Variants in SRPK2 observed in about 807,000 individuals in gnomAD.
SRPK2 encodes SFRS protein kinase 2.
Under a neutral mutation model 90.8 loss-of-function variants are expected in SRPK2, and 21 were observed. The observed-to-expected ratio is 0.23, with a 90% CI of 0.16 to 0.33. SRPK2 has a LOEUF of 0.33. SRPK2 is among the 10% of genes least tolerant of loss of function. The probability of loss-of-function intolerance (pLI) is 1.00; values close to 1 mark genes in which losing one functional copy is unlikely to be tolerated. For missense variants in SRPK2, 620 were observed against 869.0 expected (o/e 0.71, Z 3.60); for synonymous variants, 288 against 311.1 (o/e 0.93, Z 0.78).
At chr7:105,258,200 C>T (rs368997486) in intron 2 of SRPK2, among the ~76,000 whole-genome samples, 1 of 151,372 alleles carries the variant, frequency 6.6e-6, no homozygotes, top group Non-Finnish European at 1.5e-5. Flanking sequence ...AGGCGGATCA[C>T]GAGGTCCAGA....
chr7:105,220,672 A>G (rs1453733103), intron 2 of SRPK2, among the ~76,000 whole-genome samples: 2 of 152,202 alleles, frequency 1.3e-5, no homozygotes, highest in African/African-American at 4.8e-5. Context: ...CAAACCACCA[A>G]AAGAATCTAA....
In SRPK2 at chr7:105,117,899, A is replaced by C. The variant is rs1436882578; in HGVS notation, c.2039T>G (p.Met680Arg). The C allele has an allele frequency of 6.2e-7, 1 of 1,613,838 alleles. No individual in the cohort carries two copies. The highest frequency in any genetic ancestry group is 8.5e-7 in the Non-Finnish European group (1 of 1,180,042). ...FTDFLIPMLEMVPEKRASAGE... is the reference protein window; with the variant it reads ...FTDFLIPMLERVPEKRASAGE... ...AGCTGAGGCTCGTTTTTCTGGAACC[A>C]TTTCTAACATCGGGATCAGGAAATC... The change falls in exon 16 of 16, where the codon ATG (methionine) becomes AGG (arginine). Residue 680 changes from methionine (M) to arginine (R), a missense_variant. Around this residue, in one of 8 missense-constraint regions of SRPK2, gnomAD observed 71 missense variants for 123.1 expected, o/e 0.58. Coordinates refer to ENST00000393651, the MANE Select transcript of SRPK2 (RefSeq NM_182692.3).
At chr7:105,277,829 C>A (rs1585495440) in intron 2 of SRPK2, among the ~76,000 whole-genome samples, 1 of 152,106 alleles carries the variant, frequency 6.6e-6, no homozygotes, top group Non-Finnish European at 1.5e-5. Context: ...CAATAAAATA[C>A]AAATCTAGAG....
At chr7:105,159,669 T>C (rs752607137) in intron 7 of SRPK2, among the ~76,000 whole-genome samples, 2 of 152,136 alleles carry the variant, frequency 1.3e-5, no homozygotes, top group African/African-American at 2.4e-5. Flanking sequence ...GGAGGAGTTC[T>C]TCCATCTACG....
chr7:105,304,425 TGTTGGGGTAA>T (rs1013673013), intron 2 of SRPK2: 2 of 151,852 alleles, frequency 1.3e-5, no homozygotes, highest in African/African-American at 2.4e-5. Flanking sequence ...ATGGCAGCAT[TGTTGGGGTAA>T]GTACACTACA....
chr7:105,212,894 C>G (rs1005764604), intron 2 of SRPK2, among the ~76,000 whole-genome samples: 1 of 152,108 alleles, frequency 6.6e-6, no homozygotes, highest in Non-Finnish European at 1.5e-5. Flanking sequence ...TGAACATGTA[C>G]AGACTCTTTT....
intron 2 of SRPK2, chr7:105,244,813 G>A (rs1801370918): frequency 4.1e-6 from 4 of 970,810 alleles, no homozygotes; most frequent in Non-Finnish European, 6.7e-6. Flanking sequence ...CCCCGTACAA[G>A]CAGCACGCCA....
Position 105,244,752 on chromosome 7 carries a change from C to G in SRPK2, c.72-40967G>C, listed in dbSNP as rs746014212. 6 of 1,024,758 alleles carry G rather than the reference C, an allele frequency of 5.9e-6. No individual in the cohort carries two copies. The East Asian group carries it at 1.2e-4, about 20-fold the overall frequency. 63.5% of individuals were successfully genotyped at this position (1,024,758 alleles called of 1,614,324 possible). A position where few individuals can be genotyped will look rare whatever the true frequency, so the allele number is the denominator to read the frequency against. ...CACAGCCGCCGCCGCGGGCGTCTGA[C>G]CAAACACACCAAGTTTGTGCGGGAC... On this transcript the variant is annotated intron_variant, in intron 2 of 15. Transcript: ENST00000393651.
chr7:105,143,175 G>C lies in SRPK2; in HGVS notation c.969C>G (p.Ser323=). The C allele has an allele frequency of 6.2e-7, 1 of 1,614,186 alleles. No homozygotes were observed. The highest frequency in any genetic ancestry group is 1.1e-5 in the South Asian group (1 of 91,080). ...GGCAGTATTCGCCATCCTGGTCATT[G>C]GAAGGTGCAGCTGAGGTGATGTTTT... ...IEENITSAAP[S]NDQDGEYCPE... Residue 323 remains serine, a synonymous_variant, in exon 10 of 16, where the codon TCC becomes TCG. Coordinates refer to ENST00000393651, the MANE Select transcript of SRPK2 (RefSeq NM_182692.3).
chr7:105,136,218 A>G (rs1009654554), intron 11 of SRPK2, among the ~76,000 whole-genome samples: 11 of 152,234 alleles, frequency 7.2e-5, no homozygotes, highest in Non-Finnish European at 1.0e-4. Context: ...ATGTATCTCA[A>G]TAACTTAATT....
intron 2 of SRPK2, among the ~76,000 whole-genome samples, chr7:105,383,661 G>A (rs1321202296): frequency 1.3e-5 from 2 of 151,756 alleles, no homozygotes; most frequent in Admixed American, 6.6e-5. Flanking sequence ...CTCGTGATCC[G>A]CCCACCTCAT....
At chr7:105,238,075 C>T (rs1461803586) in intron 2 of SRPK2, among the ~76,000 whole-genome samples, 1 of 152,160 alleles carries the variant, frequency 6.6e-6, no homozygotes, top group East Asian at 1.9e-4. Flanking sequence ...AGACAAATGA[C>T]AAAAGCTTCT....
chr7:105,264,653 A>G (rs527979556), intron 2 of SRPK2, among the ~76,000 whole-genome samples: 1 of 152,318 alleles, frequency 6.6e-6, no homozygotes, highest in East Asian at 1.9e-4. Context: ...AAACACTAAA[A>G]TACATCAAAA....
chr7:105,343,402 C>G (rs1816056775), intron 2 of SRPK2, among the ~76,000 whole-genome samples: 1 of 152,136 alleles, frequency 6.6e-6, no homozygotes, highest in Admixed American at 6.6e-5. Context: ...CCAATGTACT[C>G]CAGCCTGGGC....
chr7:105,356,770 A>AT (rs1225925432), intron 2 of SRPK2, among the ~76,000 whole-genome samples: 1 of 152,158 alleles, frequency 6.6e-6, no homozygotes, highest in East Asian at 1.9e-4. Context: ...TTATTTCCAA[A>AT]ATTTTCAAAA....
At chr7:105,133,169 T>C in intron 11 of SRPK2, 65 bp from the exon 12 acceptor site, 1 of 1,457,672 alleles carries the variant, frequency 6.9e-7, no homozygotes, top group East Asian at 2.3e-5. Context: ...GTGAGCACAG[T>C]GTTTGCCAGG....
chr7:105,275,259 T>A (rs1806339220), intron 2 of SRPK2, among the ~76,000 whole-genome samples: 1 of 152,190 alleles, frequency 6.6e-6, no homozygotes, highest in Non-Finnish European at 1.5e-5. Context: ...AGTAGGACAT[T>A]TCAATCTTAT....
chr7:105,320,221 A>AC (rs1387492293), intron 2 of SRPK2, among the ~76,000 whole-genome samples: 2 of 151,236 alleles, frequency 1.3e-5, no homozygotes, highest in Non-Finnish European at 2.9e-5. Flanking sequence ...AATCACACAA[A>AC]CACCCACGCA....
intron 7 of SRPK2, among the ~76,000 whole-genome samples, chr7:105,151,665 G>T (rs1333207985): frequency 1.3e-5 from 2 of 152,138 alleles, no homozygotes; most frequent in East Asian, 3.9e-4. Flanking sequence ...TCTTGCTTCA[G>T]CCTCCCAAGT....
Sources: gnomAD v4.1 joint callset for allele counts (sites outside exome capture counted in the v4.1 genomes callset) on GRCh38, gnomAD v4.1.1 for gene constraint, gnomAD v4.1.1 regional missense constraint, MANE v1.5 for transcripts, NCBI Gene and HGNC (gene_info 2026-07-23, HGNC 2026-07-21) for gene names.